Variants in DNAH11 observed in about 807,000 individuals in gnomAD.
DNAH11 encodes dynein axonemal heavy chain 11.
DNAH11 carries 442 observed loss-of-function variants against 526.0 expected under a neutral mutation model. The observed-to-expected ratio is 0.84, with a 90% CI of 0.78 to 0.91. The LOEUF (loss-of-function observed/expected upper bound fraction) is 0.91, where lower values mean the gene tolerates loss of function less well. DNAH11 is among the 40% of genes least tolerant of loss of function. The pLI is 0.00. For synonymous variants in DNAH11, 2,461 were observed against 1,935.9 expected, an observed-to-expected ratio of 1.27 and a Z score of -7.12; for missense variants, 6,989 against 5,448.7, an observed-to-expected ratio of 1.28 and a Z score of -8.90.
intron 65 of DNAH11, among the ~76,000 whole-genome samples, chr7:21,829,622 T>A (rs557695510): frequency 6.6e-6 from 1 of 152,338 alleles, no homozygotes; most frequent in South Asian, 2.1e-4. Flanking sequence ...ACTCAGAGTA[T>A]CTGATAGCTA....
Position 21,901,358 on chromosome 7 carries a change from AC to A in DNAH11, c.*105del. ...CATTATTCTAACTTTTTAGTAACTC[AC>A]ACGTGCATTCTTTTTTCAACGCTAT... is the stretch of plus-strand genomic sequence containing the variant. On this transcript the variant is annotated 3_prime_UTR_variant, in exon 82 of 82. Transcript: ENST00000409508. 7.3e-7 allele frequency: 1 copy of A among 1,369,946 alleles called. No individual in the cohort carries two copies. The highest frequency in any genetic ancestry group is 9.5e-7 in the Non-Finnish European group (1 of 1,050,572). 84.9% of individuals were successfully genotyped at this position (1,369,946 alleles called of 1,614,324 possible).
Position 21,742,565 on chromosome 7 carries a change from C to T in DNAH11, c.8154+399C>T, listed in dbSNP as rs552961313. ...AGGATCTGCCCCCATGATCCAGTCA[C>T]CTCCCACCAGGCCCCACCTCCAACA... On this transcript the variant is annotated intron_variant, in intron 49 of 81. Transcript: ENST00000409508. 9.2e-5 allele frequency among the ~76,000 whole-genome samples: 14 copies of T among 152,252 alleles called. No homozygotes were observed. In the South Asian group the frequency reaches 2.5e-3, roughly 27 times the overall value.
In DNAH11 at chr7:21,543,188, G is replaced by T. The variant is rs938181972; in HGVS notation, c.-58G>T. 5.5e-6 allele frequency: 8 copies of T among 1,456,514 alleles called. No individual in the cohort carries two copies. In the African/African-American group the frequency reaches 1.0e-4, roughly 18 times the overall value. 90.2% of individuals were successfully genotyped at this position (1,456,514 alleles called of 1,614,324 possible). On this transcript the variant is annotated 5_prime_UTR_variant, in exon 1 of 82. Coordinates refer to ENST00000409508, the MANE Select transcript of DNAH11 (RefSeq NM_001277115.2). Reference sequence around the variant, plus strand: ...GGAGGTGTCCTCGCTCACTTCGGGGGGCCCAGAGTCTCGGGTGAGGAGCCA... The same window carrying T: ...GGAGGTGTCCTCGCTCACTTCGGGGTGCCCAGAGTCTCGGGTGAGGAGCCA...
In DNAH11 at chr7:21,801,145, T is replaced by G. The variant is rs768054714; in HGVS notation, c.10035T>G (p.Asp3345Glu). 6 of 1,607,978 alleles carry G rather than the reference T, an allele frequency of 3.7e-6. No homozygotes were observed. The highest frequency in any genetic ancestry group is 5.1e-6 in the Non-Finnish European group (6 of 1,176,812). ...ATTCAACTCTGATTCAGGATCTGGA[T>G]CGAAATCTGAGCAGACTCACGGCTT... ...EAIRKKLVDL[D>E]RNLSRLTASF... Residue 3345 changes from aspartate to glutamate, a missense_variant, in exon 62 of 82, where the codon GAT (aspartate) becomes GAG (glutamate). By Grantham distance (45) the Asp-to-Glu change is conservative (BLOSUM62 2). Coordinates refer to ENST00000409508, the MANE Select transcript of DNAH11 (RefSeq NM_001277115.2).
At chr7:21,720,916 G>A in intron 44 of DNAH11, 60 bp downstream of exon 44, 1 of 1,580,790 alleles carries the variant, frequency 6.3e-7, no homozygotes, top group Non-Finnish European at 8.6e-7. Flanking sequence ...AGGGTCATGG[G>A]GAGGTTAAAA....
chr7:21,707,412 A>G (rs898989288), intron 39 of DNAH11, among the ~76,000 whole-genome samples: 1 of 152,222 alleles, frequency 6.6e-6, no homozygotes, highest in Non-Finnish European at 1.5e-5. Context: ...ATGGTCCTCC[A>G]CTTTGTACAC....
chr7:21,889,397 T>G (rs1451524056), intron 76 of DNAH11, among the ~76,000 whole-genome samples: 1 of 152,228 alleles, frequency 6.6e-6, no homozygotes, highest in Non-Finnish European at 1.5e-5. Flanking sequence ...TTCAATTCTT[T>G]CGGATATGTA....
intron 28 of DNAH11, among the ~76,000 whole-genome samples, chr7:21,641,402 A>G (rs1418863731): frequency 6.6e-6 from 1 of 152,168 alleles, no homozygotes; most frequent in Non-Finnish European, 1.5e-5. Context: ...GCATGGAGGT[A>G]GAGGAGGGTG....
chr7:21,690,767 T>G lies in DNAH11; in HGVS notation c.5927T>G (p.Phe1976Cys), dbSNP rs748243871. 2 of 1,601,074 alleles carry G rather than the reference T, an allele frequency of 1.2e-6. No homozygotes were observed. The highest frequency in any genetic ancestry group is 1.7e-4 in the Middle Eastern group (1 of 6,038). The change falls in exon 35 of 82, where the codon TTT (phenylalanine) becomes TGT (cysteine). Residue 1976 changes from phenylalanine to cysteine, a missense_variant and splice_region_variant. By Grantham distance (205) the Phe-to-Cys change is radical. Coordinates refer to ENST00000409508, the MANE Select transcript of DNAH11 (RefSeq NM_001277115.2). Reference protein sequence around the residue: ...HDAIRNRKKRFVFLGEAITLK... With the variant: ...HDAIRNRKKRCVFLGEAITLK... ...CATCAACATTCTTTTTATGGTAGAT[T>G]TGTATTTCTTGGGGAAGCTATCACA...
chr7:21,574,150 G>T (rs546072824), intron 8 of DNAH11, among the ~76,000 whole-genome samples: 2 of 152,190 alleles, frequency 1.3e-5, no homozygotes, highest in East Asian at 3.9e-4. Context: ...TATGGGAAGA[G>T]ACTTGCTTTC....
chr7:21,879,595 A>C (rs992839961), intron 74 of DNAH11, among the ~76,000 whole-genome samples: 1 of 152,212 alleles, frequency 6.6e-6, no homozygotes, highest in Non-Finnish European at 1.5e-5. Flanking sequence ...TTTATTAGTT[A>C]AGGTACAGGC....
chr7:21,792,589 C>T (rs972345286), intron 61 of DNAH11, among the ~76,000 whole-genome samples: 12 of 151,952 alleles, frequency 7.9e-5, no homozygotes, highest in East Asian at 3.8e-4. Flanking sequence ...CTGGTTTGTT[C>T]GGGTTTTCTA....
intron 8 of DNAH11, among the ~76,000 whole-genome samples, 167 bp from the exon 9 acceptor site, chr7:21,581,738 G>A (rs1215560253): frequency 6.6e-6 from 1 of 152,018 alleles, no homozygotes; most frequent in Non-Finnish European, 1.5e-5. Context: ...CAGTCAGTCA[G>A]ATATAGCTCT....
chr7:21,793,426 G>C (rs1485025856), intron 61 of DNAH11, among the ~76,000 whole-genome samples: 1 of 151,962 alleles, frequency 6.6e-6, no homozygotes. Flanking sequence ...GACCATCCTG[G>C]CCAACATGGT....
chr7:21,836,210 A>G (rs1781991574), intron 65 of DNAH11, among the ~76,000 whole-genome samples: 1 of 152,184 alleles, frequency 6.6e-6, no homozygotes, highest in African/African-American at 2.4e-5. Context: ...AATCCTTATG[A>G]AAATACCAAC....
chr7:21,776,336 A>C (rs1188501577), intron 56 of DNAH11, among the ~76,000 whole-genome samples: 2 of 152,216 alleles, frequency 1.3e-5, no homozygotes, highest in Non-Finnish European at 2.9e-5. Flanking sequence ...TGGAATATTC[A>C]ATAGCTACAT....
rs1783255491 is a variant in DNAH11, at chr7:21,683,959, T to C, written c.5621+15T>C. 1 of 1,611,590 alleles carries C rather than the reference T, an allele frequency of 6.2e-7. No homozygotes were observed. The highest frequency in any genetic ancestry group is 1.3e-5 in the African/African-American group (1 of 74,822). On this transcript the variant is annotated intron_variant, in intron 32 of 81. Coordinates refer to ENST00000409508, the MANE Select transcript of DNAH11 (RefSeq NM_001277115.2). ...CTAACTGACAGGTAACAATTCAAAG[T>C]TTCCGTCCAGATAGGAAAAACAACC...
Position 21,723,838 on chromosome 7 carries a change from A to G in DNAH11, c.7267-1973A>G, listed in dbSNP as rs1482188617. ...TTTGTACATGCTGGACTCTTCCTTA[A>G]ACGGCACTTAAAGATGCCTTCCCTG... On this transcript the variant is annotated intron_variant, in intron 44 of 81. Coordinates refer to ENST00000409508, the MANE Select transcript of DNAH11 (RefSeq NM_001277115.2). 2.0e-5 allele frequency among the ~76,000 whole-genome samples: 3 copies of G among 151,822 alleles called. No individual in the cohort carries two copies. In the East Asian group the frequency reaches 5.9e-4, roughly 30 times the overall value.
intron 14 of DNAH11, among the ~76,000 whole-genome samples, chr7:21,593,613 G>A (rs1784767187): frequency 6.6e-6 from 1 of 152,184 alleles, no homozygotes; most frequent in Non-Finnish European, 1.5e-5. Context: ...TCTTTAGACA[G>A]GAGCGCGGAG....
Sources: allele counts gnomAD v4.1 joint callset (sites outside exome capture counted in the v4.1 genomes callset), GRCh38; gene constraint gnomAD v4.1.1; transcripts MANE v1.5; gene names NCBI Gene and HGNC (gene_info 2026-07-23, HGNC 2026-07-21).